Variants in GPR39 observed in about 807,000 individuals in gnomAD.
GPR39 encodes the protein zinc sensing receptor.
In GPR39, 23 loss-of-function variants were observed where a neutral mutation model predicts 18.4. The ratio of observed to expected loss-of-function variants is 1.25; its 90% CI spans 0.90 to 1.77. The LOEUF is 1.77. Ranked by LOEUF, GPR39 falls within the 40% of genes most tolerant of loss-of-function variation. The pLI is 0.00. For missense variants in GPR39, 647 were observed against 602.4 expected (o/e 1.07, Z -0.78); for synonymous variants, 280 against 257.9 (o/e 1.09, Z -0.82).
At chr2:132,474,250 A>C (rs1681085292) in intron 1 of GPR39, among the ~76,000 whole-genome samples, 1 of 152,198 alleles carries the variant, frequency 6.6e-6, no homozygotes. Flanking sequence ...ATATCTCTGC[A>C]CTGGTGTTAC....
chr2:132,612,282 C>T (rs868434002), intron 1 of GPR39, among the ~76,000 whole-genome samples: 2 of 152,132 alleles, frequency 1.3e-5, no homozygotes, highest in African/African-American at 4.8e-5. Context: ...GGTTTCTGCT[C>T]TTTTGACACC....
intron 1 of GPR39, among the ~76,000 whole-genome samples, chr2:132,447,787 G>A (rs1013546636): frequency 6.6e-6 from 1 of 152,158 alleles, no homozygotes; most frequent in Non-Finnish European, 1.5e-5. Context: ...AAAGTGTATG[G>A]CTTGGCTTTT....
chr2:132,602,871 G>GAAAAAAAAA (rs56271366), intron 1 of GPR39, among the ~76,000 whole-genome samples: 2 of 137,962 alleles, frequency 1.4e-5, no homozygotes, highest in Non-Finnish European at 1.5e-5. Flanking sequence ...CTTAAAAAGA[G>GAAAAAAAAA]AAAAAAAAAA....
At chr2:132,536,052 G>GT (rs1558830898) in intron 1 of GPR39, among the ~76,000 whole-genome samples, 3 of 148,152 alleles carry the variant, frequency 2.0e-5, no homozygotes, top group South Asian at 2.1e-4. Context: ...TGTTTGAAAG[G>GT]TTTTTTGTCT....
chr2:132,508,538 G>A (rs1479272714), intron 1 of GPR39, among the ~76,000 whole-genome samples: 1 of 151,994 alleles, frequency 6.6e-6, no homozygotes, highest in Non-Finnish European at 1.5e-5. Context: ...GCTCTGCAAA[G>A]ACTGGAAGCC....
chr2:132,630,789 A>C (rs966140816), intron 1 of GPR39, among the ~76,000 whole-genome samples: 2 of 152,078 alleles, frequency 1.3e-5, no homozygotes, highest in Non-Finnish European at 2.9e-5. Flanking sequence ...GTGAGAGGGG[A>C]AGAAGTAAAA....
At chr2:132,611,011 A>G (rs1371639664) in intron 1 of GPR39, among the ~76,000 whole-genome samples, 1 of 152,076 alleles carries the variant, frequency 6.6e-6, no homozygotes, top group African/African-American at 2.4e-5. Context: ...GCCACACTCA[A>G]TCTCCTGGGA....
At chr2:132,550,103 T>C (rs889253612) in intron 1 of GPR39, among the ~76,000 whole-genome samples, 2 of 152,178 alleles carry the variant, frequency 1.3e-5, no homozygotes, top group African/African-American at 4.8e-5. Context: ...AGCTAAATCA[T>C]GGCATGATAA....
chr2:132,538,018 T>C (rs1404771963), intron 1 of GPR39, among the ~76,000 whole-genome samples: 2 of 152,074 alleles, frequency 1.3e-5, no homozygotes, highest in African/African-American at 4.8e-5. Context: ...CGGAGTTTGT[T>C]ATTACCCACC....
Position 132,471,385 on chromosome 2 carries a change from T to C in GPR39, c.856+53487T>C, listed in dbSNP as rs1196415051. ...GTGCCTAAAGTGGCCACATGGTAGA[T>C]AGAGCTTCAAGCTCAGTGGAAGCTT... On this transcript the variant is annotated intron_variant, in intron 1 of 1. Coordinates refer to ENST00000329321, the MANE Select transcript of GPR39 (RefSeq NM_001508.3). Among the ~76,000 whole-genome samples the C allele has an allele frequency of 2.6e-5, 4 of 151,910 alleles. No homozygotes were observed. The East Asian group carries it at 7.7e-4, about 29-fold the overall frequency.
intron 1 of GPR39, among the ~76,000 whole-genome samples, chr2:132,563,333 G>C (rs1371794996): frequency 3.9e-5 from 6 of 152,102 alleles, no homozygotes; most frequent in African/African-American, 1.2e-4. Flanking sequence ...ATCCTGGCTG[G>C]GTGGGATGGC....
At chr2:132,535,463 A>G (rs1452190607) in intron 1 of GPR39, among the ~76,000 whole-genome samples, 1 of 152,038 alleles carries the variant, frequency 6.6e-6, no homozygotes, top group East Asian at 1.9e-4. Flanking sequence ...ATTTGTTTTG[A>G]CAGTATTTTA....
intron 1 of GPR39, among the ~76,000 whole-genome samples, chr2:132,613,563 C>T (rs1271850138): frequency 1.3e-5 from 2 of 152,230 alleles, no homozygotes; most frequent in East Asian, 3.9e-4. Flanking sequence ...GCAACTTTGT[C>T]TCTCCTGCTG....
At chr2:132,569,943 G>T (rs923442942) in intron 1 of GPR39, among the ~76,000 whole-genome samples, 10 of 152,302 alleles carry the variant, frequency 6.6e-5, no homozygotes, top group Non-Finnish European at 1.3e-4. Context: ...CCAGCCACGT[G>T]GAACTGTAAA....
intron 1 of GPR39, among the ~76,000 whole-genome samples, chr2:132,627,744 G>C (rs762322002): frequency 4.6e-5 from 7 of 152,114 alleles, no homozygotes; most frequent in Non-Finnish European, 1.0e-4. Context: ...ACATAAAGTT[G>C]AAAGGAGCCT....
At position 132,646,219 on chromosome 2, in the gene GPR39, G is replaced by C; in HGVS notation, c.*613G>C. 1 of 1,601,308 alleles carries C rather than the reference G, an allele frequency of 6.2e-7. No individual in the cohort carries two copies. Among genetic ancestry groups the C allele is most frequent in the Non-Finnish European group, 8.5e-7 (1 of 1,172,518 alleles). On this transcript the variant is annotated 3_prime_UTR_variant, in exon 2 of 2. Coordinates refer to ENST00000329321, the MANE Select transcript of GPR39 (RefSeq NM_001508.3). Reference sequence around the variant, plus strand: ...GTTTCCCTGGGGAGCAGAAGGACTGGTACCCGGCAGAGGCGATGAGACAGG... The same window carrying C: ...GTTTCCCTGGGGAGCAGAAGGACTGCTACCCGGCAGAGGCGATGAGACAGG...
intron 1 of GPR39, among the ~76,000 whole-genome samples, chr2:132,477,915 T>C (rs948335335): frequency 8.5e-5 from 13 of 152,260 alleles, no homozygotes; most frequent in African/African-American, 3.1e-4. Context: ...TTTGGAAATA[T>C]ATTTAATACC....
intron 1 of GPR39, among the ~76,000 whole-genome samples, chr2:132,476,648 A>G (rs1681133820): frequency 6.6e-6 from 1 of 151,504 alleles, no homozygotes; most frequent in African/African-American, 2.4e-5. Flanking sequence ...AAAAAAAAAA[A>G]AAAAAAAAAA....
At chr2:132,455,624 A>G (rs1573610568) in intron 1 of GPR39, among the ~76,000 whole-genome samples, 1 of 152,336 alleles carries the variant, frequency 6.6e-6, no homozygotes, top group East Asian at 1.9e-4. Context: ...ATTTAGTGCT[A>G]TAAATTTCCC....
Sources: gnomAD v4.1 joint callset for allele counts (sites outside exome capture counted in the v4.1 genomes callset) on GRCh38, gnomAD v4.1.1 for gene constraint, MANE v1.5 for transcripts, NCBI Gene and HGNC (gene_info 2026-07-23, HGNC 2026-07-21) for gene names.